The following BCL2 variants were observed in gnomAD, a reference collection of about 807,000 sequenced individuals.
BCL2 encodes BCL2 apoptosis regulator.
BCL2 carries 1 observed loss-of-function variant against 14.2 expected under a neutral mutation model. The observed-to-expected ratio is 0.07, with a 90% CI of 0.02 to 0.33. The LOEUF is 0.33. Among genes scored for constraint, BCL2 ranks in the 10% least tolerant of loss-of-function variants. The pLI is 0.99. For missense variants in BCL2, 247 were observed against 305.9 expected (o/e 0.81, Z 1.44); for synonymous variants, 151 against 137.2 (o/e 1.10, Z -0.70).
rs967015967 is a variant in BCL2, at chr18:63,275,234, C to CA, written c.585+42847dup. Among the ~76,000 whole-genome samples the CA allele has an allele frequency of 2.2e-3, 233 of 106,390 alleles. 2 individuals carry two copies. Among genetic ancestry groups the CA allele is most frequent in the Middle Eastern group, 0.019 (4 of 208 alleles). 69.8% of individuals were successfully genotyped at this position (106,390 alleles called of 152,430 possible). A position where few individuals can be genotyped will look rare whatever the true frequency, so the allele number is the denominator to read the frequency against. On this transcript the variant is annotated intron_variant, in intron 2 of 2. Transcript: ENST00000333681. ...TGGGTGACAGAGTCAGACCCTGTCTCAAAAAAAAAAAAAAGGGAAATAATT... is the reference window on the plus strand; with the variant it reads ...TGGGTGACAGAGTCAGACCCTGTCTCAAAAAAAAAAAAAAAGGGAAATAATT...
At chr18:63,289,987 C>T (rs574722453) in intron 2 of BCL2, among the ~76,000 whole-genome samples, 1 of 152,148 alleles carries the variant, frequency 6.6e-6, no homozygotes, top group South Asian at 2.1e-4. Flanking sequence ...TGAATGAATT[C>T]CCCTAGGGAA....
At chr18:63,164,807 C>T (rs951308521) in intron 2 of BCL2, among the ~76,000 whole-genome samples, 2 of 152,202 alleles carry the variant, frequency 1.3e-5, no homozygotes, top group Non-Finnish European at 2.9e-5. Context: ...TGAACGTCAG[C>T]GTTCAAGGTA....
At chr18:63,225,917 C>T (rs1441462076) in intron 2 of BCL2, among the ~76,000 whole-genome samples, 3 of 152,262 alleles carry the variant, frequency 2.0e-5, no homozygotes, top group East Asian at 3.9e-4. Flanking sequence ...TCAGTGGGGG[C>T]GGTCAGTGTG....
chr18:63,169,419 C>CTCTCTCTCTT (rs1402091231), intron 2 of BCL2, among the ~76,000 whole-genome samples: 1 of 112,300 alleles, frequency 8.9e-6, no homozygotes, highest in Non-Finnish European at 1.9e-5. Context: ...TTCTCTCTCT[C>CTCTCTCTCTT]TCTCTCTCTT....
At chr18:63,263,193 G>A (rs928824364) in intron 2 of BCL2, among the ~76,000 whole-genome samples, 1 of 152,178 alleles carries the variant, frequency 6.6e-6, no homozygotes, top group African/African-American at 2.4e-5. Context: ...GGGGGGTGCA[G>A]TGCAGAATGA....
At chr18:63,271,811 T>C (rs1912011285) in intron 2 of BCL2, among the ~76,000 whole-genome samples, 1 of 152,176 alleles carries the variant, frequency 6.6e-6, no homozygotes, top group South Asian at 2.1e-4. Flanking sequence ...GACCTGGAGG[T>C]TTATGCTTTA....
chr18:63,253,957 A>G (rs1246099304), intron 2 of BCL2, among the ~76,000 whole-genome samples: 1 of 147,762 alleles, frequency 6.8e-6, no homozygotes, highest in Admixed American at 6.8e-5. Flanking sequence ...ATCGAGGAGG[A>G]TTCATTTCCC....
chr18:63,317,868 C>T, intron 2 of BCL2: 1 of 1,408,446 alleles, frequency 7.1e-7, no homozygotes, highest in Non-Finnish European at 9.2e-7. Context: ...GACTAGCAAG[C>T]AAGTTAAAGA....
intron 2 of BCL2, among the ~76,000 whole-genome samples, chr18:63,164,280 G>A (rs1001133602): frequency 6.6e-6 from 1 of 152,132 alleles, no homozygotes; most frequent in African/African-American, 2.4e-5. Context: ...ATACCCAAGA[G>A]AATCTTCCCA....
chr18:63,169,301 T>C (rs879440583), intron 2 of BCL2, among the ~76,000 whole-genome samples: 1,188 of 82,162 alleles, frequency 0.014, 79 homozygotes, highest in Middle Eastern at 0.037. Context: ...TCTTTCTTTC[T>C]TTCTTTCTTC....
intron 2 of BCL2, among the ~76,000 whole-genome samples, chr18:63,212,291 G>A (rs1022366276): frequency 1.3e-5 from 2 of 151,602 alleles, no homozygotes; most frequent in Admixed American, 6.6e-5. Flanking sequence ...GCATGCCACT[G>A]CACTCCAGCC....
chr18:63,249,840 T>C (rs890278746), intron 2 of BCL2, among the ~76,000 whole-genome samples: 3 of 151,740 alleles, frequency 2.0e-5, no homozygotes, highest in Non-Finnish European at 4.4e-5. Context: ...AAATGGTAGT[T>C]TCAGGCACCA....
At chr18:63,242,065 C>T (rs1005929085) in intron 2 of BCL2, among the ~76,000 whole-genome samples, 31 of 123,004 alleles carry the variant, frequency 2.5e-4, no homozygotes, top group African/African-American at 8.0e-4. Flanking sequence ...CTTCAAACTG[C>T]GTCAGCTATC....
intron 2 of BCL2, among the ~76,000 whole-genome samples, chr18:63,237,733 C>T (rs1480981484): frequency 2.0e-5 from 3 of 152,084 alleles, no homozygotes; most frequent in Non-Finnish European, 4.4e-5. Flanking sequence ...CATCTGATAC[C>T]CAGACAAAAC....
At chr18:63,274,176 G>A (rs1912082696) in intron 2 of BCL2, among the ~76,000 whole-genome samples, 1 of 151,688 alleles carries the variant, frequency 6.6e-6, no homozygotes, top group Non-Finnish European at 1.5e-5. Flanking sequence ...ACTCCTACAT[G>A]CCTCTACGGT....
chr18:63,155,299 C>T (rs1328097388), intron 2 of BCL2, among the ~76,000 whole-genome samples: 2 of 152,156 alleles, frequency 1.3e-5, no homozygotes, highest in Admixed American at 1.3e-4. Flanking sequence ...CTCCTGGCCT[C>T]CAGGGACAGT....
At chr18:63,303,222 G>A (rs1913019043) in intron 2 of BCL2, among the ~76,000 whole-genome samples, 1 of 152,166 alleles carries the variant, frequency 6.6e-6, no homozygotes, top group Non-Finnish European at 1.5e-5. Context: ...AAGGCACTGT[G>A]GGTTTGTTTT....
chr18:63,318,947 G>C lies in BCL2; in HGVS notation c.-281C>G, dbSNP rs1427501225. 1.5e-6 allele frequency: 2 copies of C among 1,322,500 alleles called. No individual in the cohort carries two copies. The highest frequency in any genetic ancestry group is 1.9e-6 in the Non-Finnish European group (2 of 1,029,400). 81.9% of individuals were successfully genotyped at this position (1,322,500 alleles called of 1,614,324 possible). A position where few individuals can be genotyped will look rare whatever the true frequency, so the allele number is the denominator to read the frequency against. Reference sequence around the variant, plus strand: ...TTGTTAATATCAGTCTACTTCCTCTGTGATGCTGAAAGGTTAAAGAAAAAA... The same window carrying C: ...TTGTTAATATCAGTCTACTTCCTCTCTGATGCTGAAAGGTTAAAGAAAAAA... On this transcript the variant is annotated 5_prime_UTR_variant, in exon 2 of 3. Transcript: ENST00000333681. This position sits in a 1 kb window ranked among gnomAD's most constrained non-coding sequence, Gnocchi z 7.4.
At chr18:63,192,249 T>C (rs1157002105) in intron 2 of BCL2, among the ~76,000 whole-genome samples, 1 of 152,156 alleles carries the variant, frequency 6.6e-6, no homozygotes, top group Non-Finnish European at 1.5e-5. Context: ...CTGGGAAAGT[T>C]AGGGGCAGTA....
Sources: gnomAD v4.1 joint callset for allele counts (sites outside exome capture counted in the v4.1 genomes callset) on GRCh38, gnomAD v4.1.1 for gene constraint, Gnocchi (gnomAD v3.1) non-coding constraint, MANE v1.5 for transcripts, NCBI Gene and HGNC (gene_info 2026-07-23, HGNC 2026-07-21) for gene names.